Variants in AFF2 observed in about 807,000 individuals in gnomAD.
AFF2 encodes ALF transcription elongation factor 2.
A neutral mutation model predicts 76.9 loss-of-function variants in AFF2; 14 were observed. The observed-to-expected ratio is 0.18, with a 90% confidence interval of 0.12 to 0.28. The LOEUF (loss-of-function observed/expected upper bound fraction) is 0.28, where lower values mean the gene tolerates loss of function less well. Ranked by LOEUF, AFF2 falls within the 10% of genes least tolerant of loss-of-function variation. The pLI, the probability that AFF2 is intolerant of heterozygous loss-of-function variation, is 1.00. For synonymous variants in AFF2, 398 were observed against 366.7 expected (o/e 1.09, Z -0.98); for missense variants, 868 against 1,001.1 (o/e 0.87, Z 1.79).
At chrX:148,830,784 C>A (rs1449544036) in intron 4 of AFF2, among the ~76,000 whole-genome samples, 3 of 111,744 alleles carry the variant, frequency 2.7e-5, no homozygotes, top group Non-Finnish European at 5.6e-5. Context: ...TTCGGGCATG[C>A]ATTGTCATTG....
In AFF2 at chrX:148,658,454, T is replaced by G. The variant is rs191610021; in HGVS notation, c.181-3454T>G. Among the ~76,000 whole-genome samples, 12 of 112,144 alleles carry G rather than the reference T, an allele frequency of 1.1e-4. No individual in the cohort carries two copies. In the East Asian group the frequency reaches 3.4e-3, roughly 32 times the overall value. On this transcript the variant is annotated intron_variant, in intron 2 of 20. Transcript: ENST00000370460. ...TTATCACAGCTTCACTCCTGTGTCATTACTGTGCAAGAAAGCTGCACGCCT... is the reference window on the plus strand; with the variant it reads ...TTATCACAGCTTCACTCCTGTGTCAGTACTGTGCAAGAAAGCTGCACGCCT...
At chrX:148,698,576 A>G (rs1345331663) in intron 3 of AFF2, among the ~76,000 whole-genome samples, 2 of 112,474 alleles carry the variant, frequency 1.8e-5, no homozygotes, top group Non-Finnish European at 3.7e-5. Context: ...AAGTATTTAT[A>G]CACAGAATAC....
intron 1 of AFF2, among the ~76,000 whole-genome samples, chrX:148,505,664 C>G (rs1456185302): frequency 3.6e-5 from 4 of 111,413 alleles, no homozygotes; most frequent in African/African-American, 1.3e-4. Flanking sequence ...TTGTAGAAGT[C>G]CAATGAAATG....
intron 7 of AFF2, among the ~76,000 whole-genome samples, chrX:148,845,135 ACACACACACG>A (rs1213920724): frequency 7.3e-5 from 3 of 41,114 alleles, no homozygotes; most frequent in African/African-American, 1.2e-4. Context: ...ACACACACAC[ACACACACACG>A]CACACTCACA....
chrX:148,925,965 T>C (rs1197666273), intron 9 of AFF2, among the ~76,000 whole-genome samples: 3 of 111,994 alleles, frequency 2.7e-5, no homozygotes, highest in African/African-American at 9.7e-5. Context: ...TTTCCTTGTT[T>C]CTAAAATGAA....
intron 3 of AFF2, among the ~76,000 whole-genome samples, chrX:148,694,964 C>T (rs1326577406): frequency 3.7e-5 from 4 of 108,702 alleles, no homozygotes; most frequent in Non-Finnish European, 7.6e-5. Context: ...TACAGGCGCC[C>T]GCCACCATGC....
intron 1 of AFF2, among the ~76,000 whole-genome samples, chrX:148,586,839 G>A (rs782366144): frequency 9.0e-5 from 10 of 111,278 alleles, no homozygotes; most frequent in Non-Finnish European, 1.3e-4. Context: ...GGCTTAGACA[G>A]CATCAATTAC....
chrX:148,690,146 G>T (rs973689337), intron 3 of AFF2, among the ~76,000 whole-genome samples: 2 of 112,182 alleles, frequency 1.8e-5, no homozygotes, highest in Non-Finnish European at 3.8e-5. Context: ...TCAGAGGAAA[G>T]AAAGTGTCTA....
chrX:148,901,171 G>A (rs1046237335), intron 8 of AFF2, among the ~76,000 whole-genome samples: 1 of 111,924 alleles, frequency 8.9e-6, no homozygotes, highest in Admixed American at 9.5e-5. Flanking sequence ...AATAGGGTAA[G>A]TGGCAAATCT....
In AFF2 at chrX:148,588,982, T is replaced by C. The variant is rs184711034; in HGVS notation, c.48-63017T>C. Among the ~76,000 whole-genome samples, 8 of 110,239 alleles carry C rather than the reference T, an allele frequency of 7.3e-5. No individual in the cohort carries two copies. The East Asian group carries it at 2.3e-3, about 31-fold the overall frequency. On this transcript the variant is annotated intron_variant, in intron 1 of 20. Transcript: ENST00000370460. ...ATATGGCATGTGGACAGTTAAGAGC[T>C]GAACTAGGTTGGCATTTGCAGCAGG...
intron 1 of AFF2, among the ~76,000 whole-genome samples, chrX:148,616,934 T>C (rs2053812875): frequency 9.0e-6 from 1 of 111,722 alleles, no homozygotes; most frequent in Non-Finnish European, 1.9e-5. Context: ...TAGTATTCCA[T>C]GGTGTATATG....
At chrX:148,760,472 G>C (rs1167391623) in intron 3 of AFF2, among the ~76,000 whole-genome samples, 2 of 112,501 alleles carry the variant, frequency 1.8e-5, no homozygotes, top group Non-Finnish European at 3.8e-5. Flanking sequence ...GCTTTCAACA[G>C]TGTCTCTGTC....
At position 148,997,080 on chromosome X, in the gene AFF2, T is replaced by A. The variant is rs2124449617; in HGVS notation, c.*5748T>A. On this transcript the variant is annotated 3_prime_UTR_variant, in exon 21 of 21. Coordinates refer to ENST00000370460, the MANE Select transcript of AFF2 (RefSeq NM_002025.4). ...CTTTAGTTATTAGGGAATCTAAGTT[T>A]TTTGTTAACATTTGTTTTTAGTTAA... is the stretch of plus-strand genomic sequence containing the variant. The A allele has an allele frequency of 8.9e-6, 1 of 112,276 alleles. No individual in the cohort carries two copies. The highest frequency in any genetic ancestry group is 3.7e-4 in the South Asian group (1 of 2,688). The allele number at this position is 112,276 out of a possible 1,213,427, so 9.3% of individuals were successfully genotyped here.
intron 13 of AFF2, among the ~76,000 whole-genome samples, chrX:148,963,542 C>G (rs2072135975): frequency 8.9e-6 from 1 of 112,413 alleles, no homozygotes; most frequent in African/African-American, 3.2e-5. Context: ...GCTCCAAAAA[C>G]GTTTGCAATT....
chrX:148,880,961 A>G (rs2071089338), intron 7 of AFF2, among the ~76,000 whole-genome samples: 1 of 112,165 alleles, frequency 8.9e-6, no homozygotes, highest in African/African-American at 3.2e-5. Flanking sequence ...AACATGTATG[A>G]CCATATGTTA....
chrX:148,754,016 G>A (rs782086337), intron 3 of AFF2, among the ~76,000 whole-genome samples: 4 of 111,153 alleles, frequency 3.6e-5, no homozygotes, highest in South Asian at 3.8e-4. Flanking sequence ...GGAGCAAGGC[G>A]GTAAGTGGGG....
intron 1 of AFF2, among the ~76,000 whole-genome samples, chrX:148,627,330 T>C (rs1211947993): frequency 8.9e-6 from 1 of 112,136 alleles, no homozygotes; most frequent in Non-Finnish European, 1.9e-5. Context: ...AGAAACGTTT[T>C]TCGAGGTGGA....
At chrX:148,694,387 T>C (rs782543750) in intron 3 of AFF2, among the ~76,000 whole-genome samples, 2 of 112,130 alleles carry the variant, frequency 1.8e-5, no homozygotes, top group South Asian at 3.7e-4. Context: ...TTATTGATGA[T>C]GCCTTATGAA....
chrX:148,784,855 G>A (rs782794622), intron 3 of AFF2, among the ~76,000 whole-genome samples: 7 of 111,178 alleles, frequency 6.3e-5, no homozygotes, highest in South Asian at 3.9e-4. Flanking sequence ...ATGCAGAAGC[G>A]GCTCCCAAAC....
Sources: gnomAD v4.1 joint callset for allele counts (sites outside exome capture counted in the v4.1 genomes callset) on GRCh38, gnomAD v4.1.1 for gene constraint, MANE v1.5 for transcripts, NCBI Gene and HGNC (gene_info 2026-07-23, HGNC 2026-07-21) for gene names.